Variants in PPARGC1A observed in about 807,000 individuals in gnomAD.
PPARGC1A encodes the protein peroxisome proliferator-activated receptor gamma coactivator 1-alpha.
In PPARGC1A, 25 loss-of-function variants were observed where a neutral mutation model predicts 88.7. That is an observed-to-expected ratio of 0.28 (90% CI 0.21 to 0.39). The LOEUF (loss-of-function observed/expected upper bound fraction) is 0.39, where lower values mean the gene tolerates loss of function less well. Among genes scored for constraint, PPARGC1A ranks in the 10% least tolerant of loss-of-function variants. The pLI, the probability that PPARGC1A is intolerant of heterozygous loss-of-function variation, is 1.00. For synonymous variants in PPARGC1A, 363 were observed against 355.6 expected (o/e 1.02, Z -0.24); for missense variants, 880 against 968.7 (o/e 0.91, Z 1.22).
chr4:24,081,947 A>C, the PPARGC1A span, among the ~76,000 whole-genome samples: 1 of 152,060 alleles, frequency 6.6e-6, no homozygotes, highest in South Asian at 2.1e-4. Context: ...CTTCCTCGAT[A>C]AGGCTTCTAT....
chr4:24,283,717 C>G, the PPARGC1A span, among the ~76,000 whole-genome samples: 1 of 152,146 alleles, frequency 6.6e-6, no homozygotes, highest in Non-Finnish European at 1.5e-5. Context: ...CCCATACCAC[C>G]TAGACTGAAA....
chr4:24,205,347 G>A, the PPARGC1A span, among the ~76,000 whole-genome samples: 8 of 152,008 alleles, frequency 5.3e-5, no homozygotes, highest in African/African-American at 1.2e-4. Flanking sequence ...ATACTTTTTC[G>A]ATGAGTAGAA....
chr4:24,219,473 T>TGTCACTGCCTGC, the PPARGC1A span, among the ~76,000 whole-genome samples: 1 of 152,216 alleles, frequency 6.6e-6, no homozygotes, highest in African/African-American at 2.4e-5. Context: ...GTCATTTTTC[T>TGTCACTGCCTGC]GTCACTGCCT....
At chr4:24,049,302 A>ATGTG in the PPARGC1A span, among the ~76,000 whole-genome samples, 24 of 46,052 alleles carry the variant, frequency 5.2e-4, no homozygotes, top group African/African-American at 8.5e-4. Context: ...GTATATATAT[A>ATGTG]TGTGTGTATA....
At chr4:23,881,828 A>G (rs1432027297) in intron 2 of PPARGC1A, 1 of 152,336 alleles carries the variant, frequency 6.6e-6, no homozygotes, top group East Asian at 1.9e-4. Context: ...TGCAAATTGG[A>G]AGAAGGTGAG....
intron 2 of PPARGC1A, among the ~76,000 whole-genome samples, chr4:23,857,137 T>C (rs1577533045): frequency 6.6e-6 from 1 of 151,894 alleles, no homozygotes; most frequent in South Asian, 2.1e-4. Flanking sequence ...TAGAAGGTAA[T>C]GTAACAGGTC....
the PPARGC1A span, among the ~76,000 whole-genome samples, chr4:24,103,773 A>G: frequency 7.2e-5 from 11 of 152,210 alleles, no homozygotes; most frequent in Non-Finnish European, 1.5e-4. Context: ...CGAGGAAAAC[A>G]AGAGGAACTA....
the PPARGC1A span, among the ~76,000 whole-genome samples, chr4:23,933,866 T>C: frequency 1.3e-5 from 2 of 152,230 alleles, no homozygotes; most frequent in East Asian, 3.9e-4. Context: ...TCTTTGGTTA[T>C]GTAAATATGA....
chr4:24,355,874 G>T, the PPARGC1A span, among the ~76,000 whole-genome samples: 3 of 152,150 alleles, frequency 2.0e-5, no homozygotes, highest in African/African-American at 7.2e-5. Context: ...TAAACTTATT[G>T]TAGTCCTCAT....
chr4:23,983,775 A>C, the PPARGC1A span, among the ~76,000 whole-genome samples: 1 of 151,990 alleles, frequency 6.6e-6, no homozygotes, highest in East Asian at 1.9e-4. Flanking sequence ...AGAAGGAAGA[A>C]AATTCTTCCT....
chr4:24,341,503 TAAAC>T, the PPARGC1A span, among the ~76,000 whole-genome samples: 72 of 152,268 alleles, frequency 4.7e-4, 1 homozygote, highest in East Asian at 0.013. Flanking sequence ...GGTGAGGCAG[TAAAC>T]AAACAACAAT....
the PPARGC1A span, among the ~76,000 whole-genome samples, chr4:24,396,995 TAA>T: frequency 2.0e-5 from 3 of 152,130 alleles, no homozygotes. Flanking sequence ...ATTAACATGA[TAA>T]AGTGTCAATA....
the PPARGC1A span, among the ~76,000 whole-genome samples, chr4:24,335,876 G>A: frequency 6.6e-6 from 1 of 152,042 alleles, no homozygotes; most frequent in Non-Finnish European, 1.5e-5. Context: ...ATTGCCTAGT[G>A]CTACAATAGC....
the PPARGC1A span, among the ~76,000 whole-genome samples, chr4:24,162,671 A>T: frequency 6.7e-6 from 1 of 149,122 alleles, no homozygotes; most frequent in Non-Finnish European, 1.5e-5. Context: ...AGCTCTCTGC[A>T]ACCTCTGCCT....
chr4:24,241,586 C>T, the PPARGC1A span, among the ~76,000 whole-genome samples: 4 of 152,278 alleles, frequency 2.6e-5, no homozygotes, highest in African/African-American at 7.2e-5. Flanking sequence ...CATTCTTATA[C>T]CCATTAAAAT....
At chr4:24,340,136 A>G in the PPARGC1A span, among the ~76,000 whole-genome samples, 1 of 152,228 alleles carries the variant, frequency 6.6e-6, no homozygotes, top group Non-Finnish European at 1.5e-5. Flanking sequence ...AAAATATTGC[A>G]TGTATAATCT....
chr4:24,404,416 G>C, the PPARGC1A span, among the ~76,000 whole-genome samples: 1 of 151,956 alleles, frequency 6.6e-6, no homozygotes, highest in Non-Finnish European at 1.5e-5. Context: ...GGCTAATAAA[G>C]TAAAAATCTT....
At chr4:24,393,780 AT>A in the PPARGC1A span, among the ~76,000 whole-genome samples, 2 of 152,150 alleles carry the variant, frequency 1.3e-5, no homozygotes, top group African/African-American at 4.8e-5. Flanking sequence ...AAGTGACTCC[AT>A]TTTTACTGAA....
At chr4:23,979,919 C>G in the PPARGC1A span, among the ~76,000 whole-genome samples, 1 of 152,106 alleles carries the variant, frequency 6.6e-6, no homozygotes, top group Non-Finnish European at 1.5e-5. Flanking sequence ...ATCCCTCTCT[C>G]TATGAACAGC....
Sources: gnomAD v4.1 joint callset for allele counts (sites outside exome capture counted in the v4.1 genomes callset) on GRCh38, gnomAD v4.1.1 for gene constraint, MANE v1.5 for transcripts, NCBI Gene and HGNC (gene_info 2026-07-23, HGNC 2026-07-21) for gene names.